The following ACOX2 variants were observed in gnomAD, a reference collection of about 807,000 sequenced individuals.
ACOX2 encodes the protein acyl-CoA oxidase 2.
In ACOX2, 59 loss-of-function variants were observed where a neutral mutation model predicts 77.5. The observed-to-expected ratio is 0.76, with a 90% CI of 0.62 to 0.95. The LOEUF (loss-of-function observed/expected upper bound fraction) is 0.95, where lower values mean the gene tolerates loss of function less well. ACOX2 is among the 40% of genes least tolerant of loss of function. The probability of loss-of-function intolerance (pLI) is 0.00; values close to 1 mark genes in which losing one functional copy is unlikely to be tolerated. For synonymous variants in ACOX2, 317 were observed against 340.1 expected (o/e 0.93, Z 0.75); for missense variants, 837 against 880.4 (o/e 0.95, Z 0.62).
Position 58,505,330 on chromosome 3 carries a change from C to T in ACOX2, c.1984-44G>A, listed in dbSNP as rs1318227422. 6.7e-7 allele frequency: 1 copy of T among 1,494,920 alleles called. No individual in the cohort carries two copies. The highest frequency in any genetic ancestry group is 9.1e-7 in the Non-Finnish European group (1 of 1,094,306). The allele number at this position is 1,494,920 out of a possible 1,614,324, so 92.6% of individuals were successfully genotyped here. A position where few individuals can be genotyped will look rare whatever the true frequency, so the allele number is the denominator to read the frequency against. On this transcript the variant is annotated intron_variant, in intron 14 of 14. Coordinates refer to ENST00000302819, the MANE Select transcript of ACOX2 (RefSeq NM_003500.4). This position sits in a 1 kb window ranked among gnomAD's most constrained non-coding sequence, Gnocchi z 4.4. ...GCATTATTAACACAGTACATTTCTG[C>T]CAGGATTAATGACTTTCACTTTCAA...
Position 58,526,413 on chromosome 3 carries a change from C to G in ACOX2, c.1346+53G>C. ...GACGGAACCCTCCACCCAACAGAAGCTTGGTGGGTCCCCAAGGGCTTGGGC... is the reference window on the plus strand; with the variant it reads ...GACGGAACCCTCCACCCAACAGAAGGTTGGTGGGTCCCCAAGGGCTTGGGC... On this transcript the variant is annotated intron_variant, in intron 10 of 14. Coordinates refer to ENST00000302819, the MANE Select transcript of ACOX2 (RefSeq NM_003500.4). The surrounding 1 kb of genome is among the most constrained non-coding windows in gnomAD (Gnocchi z 4.3). The G allele has an allele frequency of 6.5e-7, 1 of 1,535,268 alleles. No individual in the cohort carries two copies. Among genetic ancestry groups the G allele is most frequent in the East Asian group, 2.3e-5 (1 of 43,368 alleles).
At chr3:58,520,447 C>A (rs2107997654) in intron 12 of ACOX2, among the ~76,000 whole-genome samples, 1 of 152,374 alleles carries the variant, frequency 6.6e-6, no homozygotes, top group South Asian at 2.1e-4. Context: ...CACGGCCTGA[C>A]AGAGCCTAAA....
In ACOX2 at chr3:58,534,695, A is replaced by C; in HGVS notation, c.161-173T>G. On this transcript the variant is annotated intron_variant, in intron 2 of 14. Coordinates refer to ENST00000302819, the MANE Select transcript of ACOX2 (RefSeq NM_003500.4). This position sits in a 1 kb window ranked among gnomAD's most constrained non-coding sequence, Gnocchi z 4.8. Reference sequence around the variant, plus strand: ...GAAAGTGAATTGCCCAAGGTTACAAAGCTATGCAGTGGCAGAATTTTAGGA... The same window carrying C: ...GAAAGTGAATTGCCCAAGGTTACAACGCTATGCAGTGGCAGAATTTTAGGA... 1 of 1,482,480 alleles carries C rather than the reference A, an allele frequency of 6.7e-7. No homozygotes were observed. The highest frequency in any genetic ancestry group is 9.1e-7 in the Non-Finnish European group (1 of 1,094,480). 91.8% of individuals were successfully genotyped at this position (1,482,480 alleles called of 1,614,324 possible).
chr3:58,520,230 G>C (rs191072383), intron 12 of ACOX2, among the ~76,000 whole-genome samples: 1 of 152,198 alleles, frequency 6.6e-6, no homozygotes, highest in Non-Finnish European at 1.5e-5. Context: ...TCTTGCAGAC[G>C]AAGAGACTGA....
rs968203084 is a variant in ACOX2, at chr3:58,512,742, T to C, written c.1851-3717A>G. ...TGATGTTTTGGTCAATGATGGACCATGTATATGATGGCGGTCCCATGACAT... is the reference window on the plus strand; with the variant it reads ...TGATGTTTTGGTCAATGATGGACCACGTATATGATGGCGGTCCCATGACAT... On this transcript the variant is annotated intron_variant, in intron 13 of 14. Coordinates refer to ENST00000302819, the MANE Select transcript of ACOX2 (RefSeq NM_003500.4). The surrounding 1 kb of genome is among the most constrained non-coding windows in gnomAD (Gnocchi z 4.8). Among the ~76,000 whole-genome samples the C allele has an allele frequency of 7.9e-5, 12 of 152,238 alleles. No individual in the cohort carries two copies. The highest frequency in any genetic ancestry group is 2.9e-4 in the African/African-American group (12 of 41,468).
chr3:58,507,283 A>C (rs1432243542), intron 14 of ACOX2, among the ~76,000 whole-genome samples: 1 of 151,994 alleles, frequency 6.6e-6, no homozygotes, highest in Non-Finnish European at 1.5e-5. Context: ...GAAGGTGAAG[A>C]CTCCTTCGTT....
In ACOX2 at chr3:58,534,205, C is replaced by A. The variant is rs1250881564; in HGVS notation, c.324-60G>T. ...TTGGAGACAGGGGCCCAGGTACCCC[C>A]TGCCTGAGCAGAGTACAGGAGATAA... On this transcript the variant is annotated intron_variant, in intron 3 of 14. Transcript: ENST00000302819. The surrounding 1 kb of genome is among the most constrained non-coding windows in gnomAD (Gnocchi z 4.8). 1 of 1,605,944 alleles carries A rather than the reference C, an allele frequency of 6.2e-7. No individual in the cohort carries two copies. Among genetic ancestry groups the A allele is most frequent in the South Asian group, 1.1e-5 (1 of 90,126 alleles).
In ACOX2 at chr3:58,506,749, G is replaced by GC. The variant is rs543712479; in HGVS notation, c.1984-1464dup. Among the ~76,000 whole-genome samples, 75 of 152,242 alleles carry GC rather than the reference G, an allele frequency of 4.9e-4. No individual in the cohort carries two copies. In the East Asian group the frequency reaches 0.014, roughly 29 times the overall value. ...GAGGGTTGCAGTGAGCCGCGGTTGT[G>GC]CCACTGCATTTCAGCCTGGATGACA... On this transcript the variant is annotated intron_variant, in intron 14 of 14. Transcript: ENST00000302819.
intron 5 of ACOX2, among the ~76,000 whole-genome samples, chr3:58,532,680 C>T (rs1429015181): frequency 6.6e-6 from 1 of 152,132 alleles, no homozygotes; most frequent in East Asian, 1.9e-4. Context: ...CCACCGCACC[C>T]GGCTCATGTC....
At chr3:58,511,214 C>T in intron 13 of ACOX2, 1 of 313,514 alleles carries the variant, frequency 3.2e-6, no homozygotes, top group Non-Finnish European at 6.3e-6. Context: ...ATTCTCCTGC[C>T]TTTCTCCAAC....
In ACOX2 at chr3:58,512,031, C is replaced by A. The variant is rs1383588816; in HGVS notation, c.1851-3006G>T. On this transcript the variant is annotated intron_variant, in intron 13 of 14. Coordinates refer to ENST00000302819, the MANE Select transcript of ACOX2 (RefSeq NM_003500.4). This position sits in a 1 kb window ranked among gnomAD's most constrained non-coding sequence, Gnocchi z 4.8. ...AAGGCTTTAAATATCAACCATACGC[C>A]AATGACTTCCAAACTTATCCCTCCA... Among the ~76,000 whole-genome samples, 1 of 152,188 alleles carries A rather than the reference C, an allele frequency of 6.6e-6. No homozygotes were observed. Among genetic ancestry groups the A allele is most frequent in the African/African-American group, 2.4e-5 (1 of 41,444 alleles).
rs1380902805 is a variant in ACOX2, at chr3:58,521,878, C to T, written c.1632+618G>A. ...GCTCCCTTTGCCTGGAAACTTTTCTCTCCAAAGCTGCCACCCCACCCTTTA... is the reference window on the plus strand; with the variant it reads ...GCTCCCTTTGCCTGGAAACTTTTCTTTCCAAAGCTGCCACCCCACCCTTTA... On this transcript the variant is annotated intron_variant, in intron 12 of 14. Coordinates refer to ENST00000302819, the MANE Select transcript of ACOX2 (RefSeq NM_003500.4). The surrounding 1 kb of genome is among the most constrained non-coding windows in gnomAD (Gnocchi z 4.8). Among the ~76,000 whole-genome samples the T allele has an allele frequency of 6.6e-6, 1 of 152,222 alleles. No individual in the cohort carries two copies. The highest frequency in any genetic ancestry group is 1.5e-5 in the Non-Finnish European group (1 of 68,046).
chr3:58,530,867 T>G (rs1192858458), intron 7 of ACOX2, among the ~76,000 whole-genome samples: 1 of 152,218 alleles, frequency 6.6e-6, no homozygotes, highest in African/African-American at 2.4e-5. Flanking sequence ...GGGTGATGCC[T>G]GGCAGAATTG....
rs764871400 is a variant in ACOX2, at chr3:58,514,234, A to C, written c.1850+2972T>G. On this transcript the variant is annotated intron_variant, in intron 13 of 14. Transcript: ENST00000302819. This position sits in a 1 kb window ranked among gnomAD's most constrained non-coding sequence, Gnocchi z 4.3. ...GGTAGGAGGATCCCTTGAGCCCAGG[A>C]GTTCAAGAGCAGCCTGGACAACACA... 5.9e-5 allele frequency among the ~76,000 whole-genome samples: 9 copies of C among 152,208 alleles called. No individual in the cohort carries two copies. Among genetic ancestry groups the C allele is most frequent in the Non-Finnish European group, 1.2e-4 (8 of 68,040 alleles).
Position 58,524,279 on chromosome 3 carries a change from G to A in ACOX2, c.1526+147C>T, listed in dbSNP as rs901007773. Reference sequence around the variant, plus strand: ...GACATCCCCTCTCTCTGCCCATGGTGGCAGGAACTGAGAGGACCGGGGAGG... The same window carrying A: ...GACATCCCCTCTCTCTGCCCATGGTAGCAGGAACTGAGAGGACCGGGGAGG... On this transcript the variant is annotated intron_variant, in intron 11 of 14. Transcript: ENST00000302819. This position sits in a 1 kb window ranked among gnomAD's most constrained non-coding sequence, Gnocchi z 5.5. 4 of 1,018,444 alleles carry A rather than the reference G, an allele frequency of 3.9e-6. No individual in the cohort carries two copies. In the African/African-American group the frequency reaches 4.9e-5, roughly 12 times the overall value. 63.1% of individuals were successfully genotyped at this position (1,018,444 alleles called of 1,614,324 possible).
In ACOX2 at chr3:58,534,286, C is replaced by T; in HGVS notation, c.323+74G>A. ...GTCTTCCCTTTGTTGGGGGAAATGG[C>T]TCATGGGGCTAGGGGGTTTCCAGGT... is the stretch of plus-strand genomic sequence containing the variant. On this transcript the variant is annotated intron_variant, in intron 3 of 14. Transcript: ENST00000302819. The surrounding 1 kb of genome is among the most constrained non-coding windows in gnomAD (Gnocchi z 4.8). 4 of 1,587,218 alleles carry T rather than the reference C, an allele frequency of 2.5e-6. No individual in the cohort carries two copies. Among genetic ancestry groups the T allele is most frequent in the East Asian group, 4.5e-5 (2 of 44,670 alleles).
rs2063417206 is a variant in ACOX2, at chr3:58,528,969, G to T, written c.993-13C>A. The stretch of plus-strand genomic sequence containing the variant: ...TGCCTCTGGGTCACTGAAGGGAAAA[G>T]AACCAGAAGATTTAGATCACTACCT... On this transcript the variant is annotated splice_polypyrimidine_tract_variant and intron_variant, in intron 8 of 14. Coordinates refer to ENST00000302819, the MANE Select transcript of ACOX2 (RefSeq NM_003500.4). This position sits in a 1 kb window ranked among gnomAD's most constrained non-coding sequence, Gnocchi z 5.6. 2 of 1,601,588 alleles carry T rather than the reference G, an allele frequency of 1.2e-6. No homozygotes were observed. The highest frequency in any genetic ancestry group is 1.3e-5 in the African/African-American group (1 of 74,644).
rs746717619 is a variant in ACOX2, at chr3:58,514,429, A to G, written c.1850+2777T>C. Among the ~76,000 whole-genome samples, 37 of 152,212 alleles carry G rather than the reference A, an allele frequency of 2.4e-4. No individual in the cohort carries two copies. The highest frequency in any genetic ancestry group is 8.7e-4 in the African/African-American group (36 of 41,456). ...AGGTTTTATGACCGCTTAAACAACT[A>G]AAAACTGTTTGGGTCAGTTAACATT... On this transcript the variant is annotated intron_variant, in intron 13 of 14. Coordinates refer to ENST00000302819, the MANE Select transcript of ACOX2 (RefSeq NM_003500.4). The surrounding 1 kb of genome is among the most constrained non-coding windows in gnomAD (Gnocchi z 4.3).
Position 58,534,181 on chromosome 3 carries a change from T to C in ACOX2, c.324-36A>G. ...GAGATGCTGTAGTTGAGTAGCTTAT[T>C]GGAGACAGGGGCCCAGGTACCCCCT... On this transcript the variant is annotated intron_variant, in intron 3 of 14. Coordinates refer to ENST00000302819, the MANE Select transcript of ACOX2 (RefSeq NM_003500.4). This position sits in a 1 kb window ranked among gnomAD's most constrained non-coding sequence, Gnocchi z 4.8. The C allele has an allele frequency of 6.2e-7, 1 of 1,611,608 alleles. No homozygotes were observed.
Sources: allele counts gnomAD v4.1 joint callset (sites outside exome capture counted in the v4.1 genomes callset), GRCh38; gene constraint gnomAD v4.1.1; non-coding constraint Gnocchi (gnomAD v3.1); transcripts MANE v1.5; gene names NCBI Gene and HGNC (gene_info 2026-07-23, HGNC 2026-07-21).